Variants in GPATCH2 observed in about 807,000 individuals in gnomAD.
GPATCH2 encodes G patch domain-containing protein 2.
A neutral mutation model predicts 58.0 loss-of-function variants in GPATCH2; 51 were observed. The observed-to-expected ratio is 0.88, with a 90% CI of 0.70 to 1.11. The LOEUF (loss-of-function observed/expected upper bound fraction) is 1.11, where lower values mean the gene tolerates loss of function less well. GPATCH2 is among the 50% of genes most tolerant of loss of function. The pLI is 0.00. For synonymous variants in GPATCH2, 222 were observed against 218.5 expected, an observed-to-expected ratio of 1.02 and a Z score of -0.14; for missense variants, 625 against 652.2, an observed-to-expected ratio of 0.96 and a Z score of 0.45.
At chr1:217,504,615 TACA>T (rs1213415766) in intron 6 of GPATCH2, among the ~76,000 whole-genome samples, 1 of 152,188 alleles carries the variant, frequency 6.6e-6, no homozygotes, top group Non-Finnish European at 1.5e-5. Context: ...ATTCAATTCT[TACA>T]ACGATTTTAT....
chr1:217,488,550 T>C (rs1000806495), intron 8 of GPATCH2, among the ~76,000 whole-genome samples: 2 of 152,168 alleles, frequency 1.3e-5, no homozygotes, highest in African/African-American at 4.8e-5. Context: ...TCTTTAGTTT[T>C]CCACCCTTCC....
At chr1:217,584,364 T>TATATAC (rs1226981154) in intron 5 of GPATCH2, among the ~76,000 whole-genome samples, 1 of 121,552 alleles carries the variant, frequency 8.2e-6, no homozygotes, top group African/African-American at 3.1e-5. Context: ...TATATATATA[T>TATATAC]ACACACACAC....
rs73105679 is a variant in GPATCH2 at position 217,615,021 on chromosome 1, T to C, written c.774-819A>G. 8.2e-3 allele frequency among the ~76,000 whole-genome samples: 1,244 copies of C among 152,130 alleles called. 14 individuals carry two copies. Among genetic ancestry groups the C allele is most frequent in the African/African-American group, 0.022 (932 of 41,562 alleles). ...TTTTAAAGAAAATTTAGTGATGTTC[T>C]TTAAAAATTCTCATGTATTTTATTT... On this transcript the variant is annotated intron_variant, in intron 2 of 9. Coordinates refer to ENST00000366935, the MANE Select transcript of GPATCH2 (RefSeq NM_018040.5).
At chr1:217,498,463 C>T (rs528741607) in intron 6 of GPATCH2, 68 bp from the exon 7 acceptor site, 2 of 1,153,470 alleles carry the variant, frequency 1.7e-6, no homozygotes, top group Admixed American at 1.7e-5. Flanking sequence ...CATGATCGAG[C>T]CGCATGTGCT....
rs190018551 is a variant in GPATCH2, at chr1:217,478,272, C to T, written c.1277+13408G>A. On this transcript the variant is annotated intron_variant, in intron 8 of 9. Coordinates refer to ENST00000366935, the MANE Select transcript of GPATCH2 (RefSeq NM_018040.5). ...GACAAACACTTACAAGTATCAAGAC[C>T]ATCCAGGAAAACATGACCCCACCAC... is the stretch of plus-strand genomic sequence containing the variant. Among the ~76,000 whole-genome samples the T allele has an allele frequency of 3.3e-3, 495 of 152,238 alleles. 2 individuals carry two copies. Among genetic ancestry groups the T allele is most frequent in the Non-Finnish European group, 3.9e-3 (267 of 67,998 alleles).
intron 5 of GPATCH2, among the ~76,000 whole-genome samples, chr1:217,605,058 T>C (rs1022171668): frequency 1.3e-5 from 2 of 151,742 alleles, no homozygotes; most frequent in African/African-American, 4.9e-5. Flanking sequence ...TAAATGGCCC[T>C]TCTGCTGTAA....
At chr1:217,567,224 T>C (rs1350433231) in intron 5 of GPATCH2, among the ~76,000 whole-genome samples, 4 of 152,106 alleles carry the variant, frequency 2.6e-5, no homozygotes, top group African/African-American at 9.7e-5. Flanking sequence ...TTTTGTATTT[T>C]TACTAGAGAC....
intron 1 of GPATCH2, among the ~76,000 whole-genome samples, chr1:217,626,647 A>G (rs1191738812): frequency 1.3e-5 from 2 of 152,126 alleles, no homozygotes; most frequent in Non-Finnish European, 2.9e-5. Context: ...TCCCTCCTCA[A>G]TGGGAATATT....
chr1:217,446,924 A>G (rs763854872), intron 9 of GPATCH2, among the ~76,000 whole-genome samples: 18 of 152,142 alleles, frequency 1.2e-4, no homozygotes, highest in Non-Finnish European at 2.1e-4. Context: ...CTCATTTCAC[A>G]TATGTTCGGA....
chr1:217,527,778 T>C (rs1348568101), intron 5 of GPATCH2, among the ~76,000 whole-genome samples: 1 of 152,194 alleles, frequency 6.6e-6, no homozygotes, highest in South Asian at 2.1e-4. Flanking sequence ...AATTCACTAA[T>C]AAGAGAGGAG....
Position 217,498,404 on chromosome 1 carries a change from G to A in GPATCH2, c.1167-9C>T, listed in dbSNP as rs1223495800. Reference sequence around the variant, plus strand: ...CAGGGCTAAACCAATGGCTGCAGAGGAAAGAAAAAGGCAGTTAGAGGGAAC... The same window carrying A: ...CAGGGCTAAACCAATGGCTGCAGAGAAAAGAAAAAGGCAGTTAGAGGGAAC... On this transcript the variant is annotated splice_polypyrimidine_tract_variant and intron_variant, in intron 6 of 9. Transcript: ENST00000366935. The A allele has an allele frequency of 1.2e-6, 2 of 1,610,886 alleles. No individual in the cohort carries two copies. The highest frequency in any genetic ancestry group is 1.7e-6 in the Non-Finnish European group (2 of 1,177,122).
intron 5 of GPATCH2, chr1:217,608,901 C>G: frequency 1.0e-6 from 1 of 981,890 alleles, no homozygotes; most frequent in Non-Finnish European, 1.2e-6. Context: ...ATTAGACAAG[C>G]AATCTAAAAG....
At chr1:217,453,005 T>C (rs1261151372) in intron 8 of GPATCH2, among the ~76,000 whole-genome samples, 2 of 152,226 alleles carry the variant, frequency 1.3e-5, no homozygotes, top group Non-Finnish European at 2.9e-5. Flanking sequence ...GCAGTGGAGT[T>C]GCTACAAATG....
intron 8 of GPATCH2, among the ~76,000 whole-genome samples, chr1:217,452,464 G>T (rs965224270): frequency 6.6e-6 from 1 of 152,140 alleles, no homozygotes; most frequent in African/African-American, 2.4e-5. Flanking sequence ...GATGCTCACT[G>T]TGACTATTAA....
chr1:217,539,664 T>C (rs1664636388), intron 5 of GPATCH2, among the ~76,000 whole-genome samples: 2 of 152,216 alleles, frequency 1.3e-5, no homozygotes, highest in Non-Finnish European at 2.9e-5. Context: ...TCTTTTGATC[T>C]TTATAGAATT....
intron 5 of GPATCH2, among the ~76,000 whole-genome samples, chr1:217,553,552 A>T (rs1320148334): frequency 6.6e-6 from 1 of 152,156 alleles, no homozygotes; most frequent in Non-Finnish European, 1.5e-5. Context: ...TAACAATAGC[A>T]AAGTATTTAG....
At chr1:217,558,511 C>T (rs191476050) in intron 5 of GPATCH2, among the ~76,000 whole-genome samples, 18 of 152,264 alleles carry the variant, frequency 1.2e-4, no homozygotes, top group Non-Finnish European at 2.1e-4. Flanking sequence ...AAGTCAAGAA[C>T]CAATCTAAGA....
intron 5 of GPATCH2, among the ~76,000 whole-genome samples, chr1:217,580,852 C>A (rs1375146648): frequency 3.2e-5 from 2 of 62,414 alleles, no homozygotes; most frequent in African/African-American, 1.0e-4. Flanking sequence ...ACTAAAAATA[C>A]AAAAAATTAG....
chr1:217,524,019 G>C (rs1347254968), intron 5 of GPATCH2, among the ~76,000 whole-genome samples: 2 of 147,648 alleles, frequency 1.4e-5, no homozygotes, highest in African/African-American at 2.5e-5. Flanking sequence ...TCCCAGTAGG[G>C]GCGGCCAGGC....
Sources: allele counts gnomAD v4.1 joint callset (sites outside exome capture counted in the v4.1 genomes callset), GRCh38; gene constraint gnomAD v4.1.1; transcripts MANE v1.5; gene names NCBI Gene and HGNC (gene_info 2026-07-23, HGNC 2026-07-21).